The following NARS2 variants were observed in gnomAD, a reference collection of about 807,000 sequenced individuals.
The protein encoded by NARS2 is asparaginyl-tRNA synthetase.
A neutral mutation model predicts 62.9 loss-of-function variants in NARS2; 60 were observed. That is an observed-to-expected ratio of 0.95 (90% CI 0.77 to 1.18). The LOEUF is 1.18. Ranked by LOEUF, NARS2 falls within the 50% of genes most tolerant of loss-of-function variation. The pLI, the probability that NARS2 is intolerant of heterozygous loss-of-function variation, is 0.00. For synonymous variants in NARS2, 196 were observed against 200.0 expected (o/e 0.98, Z 0.17); for missense variants, 619 against 576.4 (o/e 1.07, Z -0.76).
intron 6 of NARS2, among the ~76,000 whole-genome samples, chr11:78,522,556 AG>A (rs1432827640): frequency 5.9e-5 from 9 of 152,302 alleles, no homozygotes; most frequent in African/African-American, 2.2e-4. Flanking sequence ...TTACTTACTA[AG>A]GTTAATAAGT....
At chr11:78,486,878 A>T (rs536984163) in intron 7 of NARS2, among the ~76,000 whole-genome samples, 8 of 152,238 alleles carry the variant, frequency 5.3e-5, no homozygotes, top group African/African-American at 1.7e-4. Context: ...TTAAAGAGAA[A>T]GACTGAACTT....
Position 78,447,882 on chromosome 11 carries a change from T to C in NARS2, c.1165-4124A>G, listed in dbSNP as rs1591127439. Among the ~76,000 whole-genome samples, 3 of 152,202 alleles carry C rather than the reference T, an allele frequency of 2.0e-5. No individual in the cohort carries two copies. The South Asian group carries it at 6.2e-4, about 32-fold the overall frequency. Reference sequence around the variant, plus strand: ...GAACGAAGAGTTGCTGATCAAAGGGTACAAAGTTTCAGATGGACAGAGGAA... The same window carrying C: ...GAACGAAGAGTTGCTGATCAAAGGGCACAAAGTTTCAGATGGACAGAGGAA... On this transcript the variant is annotated intron_variant, in intron 11 of 13. Transcript: ENST00000281038.
intron 5 of NARS2, among the ~76,000 whole-genome samples, chr11:78,551,876 A>C (rs1216619228): frequency 6.6e-6 from 1 of 151,328 alleles, no homozygotes; most frequent in East Asian, 1.9e-4. Flanking sequence ...AACAAACAAA[A>C]AAAACCCACC....
chr11:78,549,932 C>T (rs1447034887), intron 5 of NARS2, among the ~76,000 whole-genome samples: 1 of 152,068 alleles, frequency 6.6e-6, no homozygotes, highest in Non-Finnish European at 1.5e-5. Flanking sequence ...AAAAAGACAA[C>T]CCAATTAAAG....
At chr11:78,495,235 C>A (rs561111687) in intron 6 of NARS2, among the ~76,000 whole-genome samples, 1 of 152,280 alleles carries the variant, frequency 6.6e-6, no homozygotes, top group African/African-American at 2.4e-5. Flanking sequence ...TTTTATCCAG[C>A]CACTCTGAAG....
chr11:78,488,289 G>C lies in NARS2; in HGVS notation c.822+4774C>G, dbSNP rs974634098. 4.0e-5 allele frequency among the ~76,000 whole-genome samples: 6 copies of C among 151,530 alleles called. No individual in the cohort carries two copies. The South Asian group carries it at 8.3e-4, about 21-fold the overall frequency. ...GTGATTAAGAATCTTTAAATGATGA[G>C]ATTATTCTAGATTATGTGGGTGGGA... On this transcript the variant is annotated intron_variant, in intron 7 of 13. Coordinates refer to ENST00000281038, the MANE Select transcript of NARS2 (RefSeq NM_024678.6).
At chr11:78,453,610 T>G (rs1291860745) in intron 11 of NARS2, among the ~76,000 whole-genome samples, 1 of 152,182 alleles carries the variant, frequency 6.6e-6, no homozygotes, top group Non-Finnish European at 1.5e-5. Context: ...AACCACAAAT[T>G]GAACGCCTCC....
At chr11:78,507,964 A>C (rs1860568143) in intron 6 of NARS2, among the ~76,000 whole-genome samples, 2 of 152,258 alleles carry the variant, frequency 1.3e-5, no homozygotes, top group South Asian at 4.1e-4. Context: ...CAACTGTCTT[A>C]AAGACACTTA....
At chr11:78,528,803 A>G (rs1861382810) in intron 6 of NARS2, 39 bp downstream of exon 6, 1 of 1,383,954 alleles carries the variant, frequency 7.2e-7, no homozygotes. Flanking sequence ...CAACCAAACC[A>G]TAATATATCA....
chr11:78,476,162 G>C (rs973273847), intron 9 of NARS2, among the ~76,000 whole-genome samples: 1 of 152,218 alleles, frequency 6.6e-6, no homozygotes, highest in African/African-American at 2.4e-5. Flanking sequence ...CAACCAGCTA[G>C]GCTTTGTAAA....
intron 5 of NARS2, among the ~76,000 whole-genome samples, chr11:78,544,031 A>AAAC (rs1855745645): frequency 6.6e-6 from 1 of 151,068 alleles, no homozygotes; most frequent in African/African-American, 2.4e-5. Context: ...AAAAAAAAAA[A>AAAC]AAAAAAAAAC....
At chr11:78,543,918 C>T (rs550980391) in intron 5 of NARS2, among the ~76,000 whole-genome samples, 24 of 149,120 alleles carry the variant, frequency 1.6e-4, no homozygotes, top group Non-Finnish European at 2.1e-4. Context: ...GTAGTCCCAG[C>T]TACTCGGGAG....
At chr11:78,521,452 C>T (rs1365097996) in intron 6 of NARS2, among the ~76,000 whole-genome samples, 1 of 152,146 alleles carries the variant, frequency 6.6e-6, no homozygotes. Flanking sequence ...AGATTGCAGG[C>T]TTAAGCCACT....
chr11:78,497,544 A>G (rs529566936), intron 6 of NARS2, among the ~76,000 whole-genome samples: 149 of 152,352 alleles, frequency 9.8e-4, no homozygotes, highest in Non-Finnish European at 1.9e-3. Flanking sequence ...GTAAAAGTTC[A>G]TTGACCTTAA....
chr11:78,549,567 T>G (rs1856016066), intron 5 of NARS2, among the ~76,000 whole-genome samples: 1 of 152,200 alleles, frequency 6.6e-6, no homozygotes, highest in Non-Finnish European at 1.5e-5. Flanking sequence ...CAGAAACAGC[T>G]GGGAAGAGCC....
intron 6 of NARS2, among the ~76,000 whole-genome samples, chr11:78,508,545 T>C (rs1389876515): frequency 6.7e-6 from 1 of 148,378 alleles, no homozygotes; most frequent in Non-Finnish European, 1.5e-5. Flanking sequence ...GCTGAGATCA[T>C]GACACTGCAC....
intron 11 of NARS2, among the ~76,000 whole-genome samples, 197 bp downstream of exon 11, chr11:78,465,679 C>T (rs1858590819): frequency 1.3e-5 from 2 of 152,294 alleles, no homozygotes; most frequent in South Asian, 4.1e-4. Flanking sequence ...AGAAGAAGAC[C>T]TTGTGACAGA....
intron 1 of NARS2, among the ~76,000 whole-genome samples, chr11:78,572,905 A>C (rs570166246): frequency 6.6e-6 from 1 of 152,308 alleles, no homozygotes; most frequent in East Asian, 1.9e-4. Context: ...GCACATCTCA[A>C]TTTGGACCAG....
intron 7 of NARS2, among the ~76,000 whole-genome samples, chr11:78,485,944 G>A (rs1233551036): frequency 3.3e-5 from 5 of 152,146 alleles, no homozygotes; most frequent in East Asian, 3.9e-4. Context: ...GCACGATCTC[G>A]GCTCACTGCA....
Sources: gnomAD v4.1 joint callset for allele counts (sites outside exome capture counted in the v4.1 genomes callset) on GRCh38, gnomAD v4.1.1 for gene constraint, MANE v1.5 for transcripts, NCBI Gene and HGNC (gene_info 2026-07-23, HGNC 2026-07-21) for gene names.